The following AP3D1 variants were observed in gnomAD, a reference collection of about 807,000 sequenced individuals.
The protein encoded by AP3D1 is AP-3 complex subunit delta-1.
In AP3D1, 51 loss-of-function variants were observed where a neutral mutation model predicts 147.6. The ratio of observed to expected loss-of-function variants is 0.35; its 90% CI spans 0.28 to 0.44. The LOEUF is 0.44. Among genes scored for constraint, AP3D1 ranks in the 20% least tolerant of loss-of-function variants. The pLI, the probability that AP3D1 is intolerant of heterozygous loss-of-function variation, is 1.00. For missense variants in AP3D1, 1,421 were observed against 1,624.2 expected, an observed-to-expected ratio of 0.87 and a Z score of 2.15; for synonymous variants, 760 against 663.0, an observed-to-expected ratio of 1.15 and a Z score of -2.25.
At position 2,137,784 on chromosome 19, in the gene AP3D1, G is replaced by A; in HGVS notation, c.216C>T (p.Ile72=). ...LTYLQMLGYD[I]SWAAFNIIEV... ...CTATGATGTTGAAGGCGGCCCAGCTGATGTCGTATCCCAACATCTGTAACT... is the reference window on the plus strand; with the variant it reads ...CTATGATGTTGAAGGCGGCCCAGCTAATGTCGTATCCCAACATCTGTAACT... The change falls in exon 3 of 32, where the codon ATC becomes ATT. Residue 72 remains isoleucine, a synonymous_variant. Transcript: ENST00000643116. The A allele has an allele frequency of 6.2e-7, 1 of 1,614,050 alleles. No homozygotes were observed. The highest frequency in any genetic ancestry group is 8.5e-7 in the Non-Finnish European group (1 of 1,179,964).
chr19:2,157,358 C>T (rs369561604), intron 1 of AP3D1, among the ~76,000 whole-genome samples: 209 of 145,016 alleles, frequency 1.4e-3, no homozygotes, highest in African/African-American at 5.2e-3. Context: ...AGGAGAATGG[C>T]GTGAACCCGG....
At chr19:2,113,524 C>A in intron 22 of AP3D1, 111 bp from the exon 23 acceptor site, 1 of 579,204 alleles carries the variant, frequency 1.7e-6, no homozygotes, top group East Asian at 3.4e-5. Flanking sequence ...CCCCAGGGTC[C>A]TGGACTAGCT....
intron 24 of AP3D1, 150 bp from the exon 25 acceptor site, chr19:2,111,978 C>T (rs1186640015): frequency 1.5e-5 from 20 of 1,297,380 alleles, no homozygotes; most frequent in South Asian, 1.2e-4. Flanking sequence ...TCAGGCCTAC[C>T]GGGACAAGCT....
intron 1 of AP3D1, among the ~76,000 whole-genome samples, chr19:2,147,360 AAAAAG>A (rs1419495383): frequency 1.3e-5 from 2 of 149,750 alleles, no homozygotes; most frequent in Non-Finnish European, 3.0e-5. Context: ...AAAAAAAAAA[AAAAAG>A]AAAAGAAAAC....
At chr19:2,154,584 T>C (rs2019630468), upstream of AP3D1, among the ~76,000 whole-genome samples, 1 of 152,176 alleles carries the variant, frequency 6.6e-6, no homozygotes. Context: ...ATCCTATTTA[T>C]AGGTTCTTTA....
chr19:2,123,724 T>C, intron 10 of AP3D1, 106 bp downstream of exon 10: 1 of 1,370,846 alleles, frequency 7.3e-7, no homozygotes, highest in African/African-American at 1.4e-5. Context: ...CAAGATGGCG[T>C]GGGGGGACCA....
In AP3D1 at chr19:2,123,407, C is replaced by T; in HGVS notation, c.907-1G>A. On this transcript the variant is annotated splice_acceptor_variant, in intron 10 of 31. Transcript: ENST00000643116. LOFTEE classifies it high-confidence loss of function. ...ATATCCTTAATTTCTGAACACAAAG[C>T]TGAAAAGAAGAAAAAAACGATGCTG... 6.2e-7 allele frequency: 1 copy of T among 1,613,880 alleles called. No individual in the cohort carries two copies. The highest frequency in any genetic ancestry group is 8.5e-7 in the Non-Finnish European group (1 of 1,179,954).
chr19:2,130,284 C>T, intron 6 of AP3D1, 124 bp downstream of exon 6: 2 of 1,433,378 alleles, frequency 1.4e-6, no homozygotes, highest in Non-Finnish European at 1.9e-6. Context: ...CTCCAACAGG[C>T]ATGTTCCTGG....
chr19:2,164,221 G>A (rs1187981712), intron 1 of AP3D1: 2 of 1,255,122 alleles, frequency 1.6e-6, no homozygotes, highest in South Asian at 3.3e-5. Flanking sequence ...GAAGTCGCCC[G>A]TGGGGGCTGA....
intron 1 of AP3D1, among the ~76,000 whole-genome samples, chr19:2,148,142 G>A (rs1429831543): frequency 3.3e-5 from 4 of 120,652 alleles, no homozygotes; most frequent in East Asian, 2.3e-4. Context: ...GCAAGACTCC[G>A]TCTCAAAAAA....
chr19:2,119,457 G>A (rs552763922), intron 14 of AP3D1, among the ~76,000 whole-genome samples: 2 of 152,156 alleles, frequency 1.3e-5, no homozygotes, highest in East Asian at 1.9e-4. Context: ...ACTTTGGGAC[G>A]CCGAGGCGGG....
intron 14 of AP3D1, among the ~76,000 whole-genome samples, chr19:2,120,080 C>T (rs1370190312): frequency 1.3e-5 from 2 of 152,048 alleles, no homozygotes; most frequent in African/African-American, 2.4e-5. Flanking sequence ...GGGGAGTGCT[C>T]GGTGTGGCCG....
chr19:2,112,871 C>G lies in AP3D1; in HGVS notation c.2776G>C (p.Asp926His), dbSNP rs772098647. The change falls in exon 24 of 32, where the codon GAC (aspartate) becomes CAC (histidine). Residue 926 changes from aspartate (D) to histidine (H), a missense_variant. Asp to His is a moderately conservative substitution (Grantham distance 81). This residue lies in a region of AP3D1 where 791 missense variants were observed against 761.4 expected (regional missense o/e 1.04). Transcript: ENST00000643116. ...QGEEDDAEGQ[D>H]QDKKSPKPKK... is the part of the protein sequence containing the mutation. ...AGTGACAGCCTCACCTTGTCCTGGT[C>G]TTGCCCCTCGGCATCGTCCTCCTCG... The G allele has an allele frequency of 6.2e-7, 1 of 1,611,690 alleles. No individual in the cohort carries two copies. The highest frequency in any genetic ancestry group is 1.1e-5 in the South Asian group (1 of 90,810).
rs371068094 is a variant in AP3D1 at position 2,104,461 on chromosome 19, C to T, written c.3553-2193G>A. 4.6e-5 allele frequency among the ~76,000 whole-genome samples: 7 copies of T among 151,176 alleles called. No homozygotes were observed. The South Asian group carries it at 6.3e-4, about 14-fold the overall frequency. On this transcript the variant is annotated intron_variant, in intron 31 of 31. Coordinates refer to ENST00000643116, the MANE Select transcript of AP3D1 (RefSeq NM_001261826.3). ...CAAGATGCCAACACCCAGACCCCAA[C>T]GCCAAGACACCAATGCCCAGACCCC...
At chr19:2,109,046 G>A (rs1217987984) in intron 30 of AP3D1, 40 bp downstream of exon 30, 1 of 1,602,172 alleles carries the variant, frequency 6.2e-7, no homozygotes, top group East Asian at 2.2e-5. Context: ...CCGCGTGCGT[G>A]AAAGCCCCGT....
rs749984153 is a variant in AP3D1, at chr19:2,121,863, C to G, written c.972G>C (p.Leu324=). The G allele has an allele frequency of 1.2e-6, 2 of 1,608,486 alleles. No homozygotes were observed. The highest frequency in any genetic ancestry group is 2.7e-5 in the African/African-American group (2 of 74,514). Residue 324 remains leucine (L), a synonymous_variant, in exon 12 of 32, where the codon CTG becomes CTC. Coordinates refer to ENST00000643116, the MANE Select transcript of AP3D1 (RefSeq NM_001261826.3). ...DSDQNLKYLG[L]LAMSKILKTH... is the part of the protein sequence containing the mutation. ...TCTTCAGGATCTTGGACATTGCCAGCAGCCCCAGGTACTTCACTGCAGAGA... is the reference window on the plus strand; with the variant it reads ...TCTTCAGGATCTTGGACATTGCCAGGAGCCCCAGGTACTTCACTGCAGAGA...
chr19:2,126,244 A>AAGTGATGCTCT (rs2018751841), intron 9 of AP3D1, among the ~76,000 whole-genome samples: 2 of 152,204 alleles, frequency 1.3e-5, no homozygotes, highest in African/African-American at 4.8e-5. Context: ...CCACCGCCCA[A>AAGTGATGCTCT]TGCCCCGTGA....
At chr19:2,159,877 C>T (rs908633941) in intron 1 of AP3D1, among the ~76,000 whole-genome samples, 5 of 151,336 alleles carry the variant, frequency 3.3e-5, no homozygotes, top group African/African-American at 7.3e-5. Flanking sequence ...CCAACATGCC[C>T]GGCTAATTTT....
rs77082083 is a variant in AP3D1 at position 2,117,853 on chromosome 19, G to A, written c.1714-486C>T. Among the ~76,000 whole-genome samples the A allele has an allele frequency of 4.8e-3, 730 of 152,336 alleles. 3 individuals carry two copies. The highest frequency in any genetic ancestry group is 0.017 in the African/African-American group (710 of 41,584). The stretch of plus-strand genomic sequence containing the variant: ...CTCCTCAGCCATTGGACAGGCTGAC[G>A]CCACTCCCGACCTCTCTCACAGATG... On this transcript the variant is annotated intron_variant, in intron 15 of 31. Transcript: ENST00000643116.
Sources: gnomAD v4.1 joint callset for allele counts (sites outside exome capture counted in the v4.1 genomes callset) on GRCh38, gnomAD v4.1.1 for gene constraint, gnomAD v4.1.1 regional missense constraint, MANE v1.5 for transcripts, NCBI Gene and HGNC (gene_info 2026-07-23, HGNC 2026-07-21) for gene names.